MED13L: variants seen among roughly 807,000 people sequenced by gnomAD.
The protein encoded by MED13L is mediator complex subunit 13L.
MED13L carries 7 observed loss-of-function variants against 220.9 expected under a neutral mutation model. The ratio of observed to expected loss-of-function variants is 0.03; its 90% CI spans 0.02 to 0.06. The LOEUF (loss-of-function observed/expected upper bound fraction) is 0.06. MED13L is among the 10% of genes least tolerant of loss of function. MED13L has a pLI of 1.00. For synonymous variants in MED13L, 1,011 were observed against 1,015.2 expected (o/e 1.00, Z 0.08); for missense variants, 1,965 against 2,760.5 (o/e 0.71, Z 6.46).
intron 13 of MED13L, among the ~76,000 whole-genome samples, chr12:116,004,765 TCTC>T (rs1227631933): frequency 8.5e-5 from 13 of 152,280 alleles, no homozygotes; most frequent in South Asian, 2.1e-4. Context: ...ACCATTATGA[TCTC>T]CTCATCTTCT....
intron 4 of MED13L, among the ~76,000 whole-genome samples, chr12:116,067,903 C>T (rs1870074310): frequency 6.6e-6 from 1 of 152,184 alleles, no homozygotes; most frequent in African/African-American, 2.4e-5. Flanking sequence ...AGAGATTATT[C>T]ATGGCAACTT....
chr12:116,157,504 A>C (rs2138120326), intron 2 of MED13L, among the ~76,000 whole-genome samples: 1 of 152,308 alleles, frequency 6.6e-6, no homozygotes, highest in African/African-American at 2.4e-5. Flanking sequence ...TATGCCATAT[A>C]CAAGTCTATC....
In MED13L at chr12:116,137,770, G is replaced by A. The variant is rs141200105; in HGVS notation, c.311-26258C>T. On this transcript the variant is annotated intron_variant, in intron 2 of 30. Transcript: ENST00000281928. ...GAATACAGACAACTTGTATAAACTT[G>A]TCTAAAAAATACGGTGTTGTACCTT... Among the ~76,000 whole-genome samples, 427 of 151,146 alleles carry A rather than the reference G, an allele frequency of 2.8e-3. 3 individuals carry two copies. The highest frequency in any genetic ancestry group is 5.0e-3 in the Non-Finnish European group (340 of 67,864).
Position 116,007,836 on chromosome 12 carries a change from G to A in MED13L, c.2013-200C>T, listed in dbSNP as rs906133533. On this transcript the variant is annotated intron_variant, in intron 10 of 30. Coordinates refer to ENST00000281928, the MANE Select transcript of MED13L (RefSeq NM_015335.5). ...CTCTGGGTCCATCAATTCCACTTAA[G>A]AGCACAGGTTCTCAGGACAGACTGC... is the stretch of plus-strand genomic sequence containing the variant. 5.2e-6 allele frequency: 3 copies of A among 582,188 alleles called. No homozygotes were observed. In the African/African-American group the frequency reaches 5.6e-5, roughly 11 times the overall value. The allele number at this position is 582,188 out of a possible 1,614,324, so 36.1% of individuals were successfully genotyped here.
Position 115,967,267 on chromosome 12 carries a change from A to T in MED13L, c.6226-1024T>A, listed in dbSNP as rs144846751. 7.7e-3 allele frequency among the ~76,000 whole-genome samples: 1,167 copies of T among 152,178 alleles called. 11 individuals are homozygous for T. Among genetic ancestry groups the T allele is most frequent in the African/African-American group, 0.027 (1,126 of 41,520 alleles). On this transcript the variant is annotated intron_variant, in intron 28 of 30. Coordinates refer to ENST00000281928, the MANE Select transcript of MED13L (RefSeq NM_015335.5). Reference sequence around the variant, plus strand: ...CTGTATCAATTCTGAGTTGGTTAAAAAAATAAAAAATTTACTGCCACTTTG... The same window carrying T: ...CTGTATCAATTCTGAGTTGGTTAAATAAATAAAAAATTTACTGCCACTTTG...
intron 4 of MED13L, among the ~76,000 whole-genome samples, chr12:116,034,267 G>A (rs1156304334): frequency 6.6e-6 from 1 of 151,926 alleles, no homozygotes; most frequent in African/African-American, 2.4e-5. Context: ...TACTTAGTAT[G>A]GTGCTTGCCA....
intron 4 of MED13L, among the ~76,000 whole-genome samples, chr12:116,028,749 G>A (rs1880549631): frequency 6.6e-6 from 1 of 152,144 alleles, no homozygotes; most frequent in Non-Finnish European, 1.5e-5. Flanking sequence ...TGTTCTCTTA[G>A]GGGCACACCA....
intron 1 of MED13L, among the ~76,000 whole-genome samples, chr12:116,243,665 G>A (rs1489159979): frequency 6.6e-6 from 1 of 151,620 alleles, no homozygotes; most frequent in African/African-American, 2.4e-5. Flanking sequence ...GCTCCTCAGA[G>A]TTAAAACCAC....
At chr12:116,110,902 G>T (rs1447460282) in intron 3 of MED13L, among the ~76,000 whole-genome samples, 1 of 152,100 alleles carries the variant, frequency 6.6e-6, no homozygotes, top group African/African-American at 2.4e-5. Flanking sequence ...GAAAAAAAAG[G>T]CTAAAGAACT....
At chr12:116,001,151 C>T (rs1385859511) in intron 14 of MED13L, among the ~76,000 whole-genome samples, 2 of 152,048 alleles carry the variant, frequency 1.3e-5, no homozygotes, top group Non-Finnish European at 1.5e-5. Flanking sequence ...TCATTTGTGG[C>T]TTCCCTTGTG....
intron 2 of MED13L, among the ~76,000 whole-genome samples, chr12:116,193,778 G>A (rs559403543): frequency 6.6e-6 from 1 of 152,268 alleles, no homozygotes; most frequent in South Asian, 2.1e-4. Flanking sequence ...AAATCATCAT[G>A]GGAATAGTAG....
At chr12:116,236,096 TAAAC>T (rs1870055910) in intron 2 of MED13L, among the ~76,000 whole-genome samples, 2 of 152,208 alleles carry the variant, frequency 1.3e-5, no homozygotes, top group Non-Finnish European at 2.9e-5. Context: ...AAAATTCTGA[TAAAC>T]AGAATCCAGA....
intron 2 of MED13L, among the ~76,000 whole-genome samples, chr12:116,178,478 A>G (rs1019421753): frequency 2.6e-5 from 4 of 152,226 alleles, no homozygotes; most frequent in African/African-American, 4.8e-5. Flanking sequence ...GTTCAACTGC[A>G]TAACTATGAA....
At chr12:116,140,748 G>T (rs964982551) in intron 2 of MED13L, among the ~76,000 whole-genome samples, 2 of 152,108 alleles carry the variant, frequency 1.3e-5, no homozygotes, top group Non-Finnish European at 1.5e-5. Flanking sequence ...ATTCAGCATC[G>T]ACTTACAAAT....
Position 116,277,670 on chromosome 12 carries a change from G to C in MED13L, c.-539C>G, listed in dbSNP as rs1010934668. On this transcript the variant is annotated 5_prime_UTR_variant, in exon 1 of 31. Coordinates refer to ENST00000281928, the MANE Select transcript of MED13L (RefSeq NM_015335.5). ...TCAGCCTCGCTTCTCCTCCCTCCCC[G>C]GGCTCGCTTGCTCTGACAGCAATGG... Among the ~76,000 whole-genome samples, 1 of 149,242 alleles carries C rather than the reference G, an allele frequency of 6.7e-6. No homozygotes were observed. Among genetic ancestry groups the C allele is most frequent in the Non-Finnish European group, 1.5e-5 (1 of 66,870 alleles).
chr12:116,239,687 C>T (rs891323977), intron 1 of MED13L, among the ~76,000 whole-genome samples: 2 of 152,154 alleles, frequency 1.3e-5, no homozygotes, highest in Non-Finnish European at 2.9e-5. Context: ...AAAGAGATTG[C>T]TTGATACTGA....
intron 1 of MED13L, among the ~76,000 whole-genome samples, chr12:116,253,989 G>T (rs1010999079): frequency 2.6e-5 from 4 of 151,870 alleles, no homozygotes; most frequent in Admixed American, 2.6e-4. Flanking sequence ...TCGAACCCCT[G>T]ACCTCAAGTG....
intron 4 of MED13L, among the ~76,000 whole-genome samples, chr12:116,074,161 A>C (rs1290058235): frequency 2.0e-5 from 3 of 152,204 alleles, no homozygotes; most frequent in African/African-American, 7.2e-5. Context: ...TTGGGACACC[A>C]AGGCAAGTGG....
intron 23 of MED13L, chr12:115,980,499 A>T (rs879942241): frequency 2.1e-5 from 11 of 516,518 alleles, no homozygotes; most frequent in Non-Finnish European, 3.5e-5. Flanking sequence ...TTTTAAAAGA[A>T]AATTTGTAGA....
Sources: allele counts gnomAD v4.1 joint callset (sites outside exome capture counted in the v4.1 genomes callset), GRCh38; gene constraint gnomAD v4.1.1; transcripts MANE v1.5; gene names NCBI Gene and HGNC (gene_info 2026-07-23, HGNC 2026-07-21).